CLDN10: variants seen among roughly 807,000 people sequenced by gnomAD.
CLDN10 encodes claudin-10.
Under a neutral mutation model 22.9 loss-of-function variants are expected in CLDN10, and 15 were observed. That is an observed-to-expected ratio of 0.65 (90% CI 0.44 to 1.01). The LOEUF is 1.01. CLDN10 is among the 50% of genes least tolerant of loss of function. The probability of loss-of-function intolerance (pLI) is 0.00; values close to 1 mark genes in which losing one functional copy is unlikely to be tolerated. For synonymous variants in CLDN10, 114 were observed against 111.4 expected (o/e 1.02, Z -0.15); for missense variants, 247 against 287.8 (o/e 0.86, Z 1.03).
At chr13:95,563,095 ACT>A (rs34473629) in intron 3 of CLDN10, among the ~76,000 whole-genome samples, 13,242 of 127,962 alleles carry the variant, frequency 0.1, 700 homozygotes, top group East Asian at 0.25. Context: ...CTGCCTACCC[ACT>A]CTCTCTCTCT....
chr13:95,460,527 TAAAACCA>T (rs1431135053), intron 1 of CLDN10, among the ~76,000 whole-genome samples: 1 of 152,126 alleles, frequency 6.6e-6, no homozygotes, highest in Non-Finnish European at 1.5e-5. Context: ...GAGCCCCTTA[TAAAACCA>T]TTAGATCTCA....
rs1555291327 is a variant in CLDN10 at position 95,484,706 on chromosome 13, A to ACC, written c.214+50661_214+50662dup. Among the ~76,000 whole-genome samples, 14 of 144,442 alleles carry ACC rather than the reference A, an allele frequency of 9.7e-5. No homozygotes were observed. The Middle Eastern group carries it at 0.011, about 111-fold the overall frequency. The allele number at this position is 144,442 out of a possible 152,430, so 94.8% of individuals were successfully genotyped here. A position where few individuals can be genotyped will look rare whatever the true frequency, so the allele number is the denominator to read the frequency against. On this transcript the variant is annotated intron_variant, in intron 1 of 4. Transcript: ENST00000376873. ...AAAAATACAAAAAAAAAAAAAAAAA[A>ACC]CCCACAAAAATTAGCCAGGTGTGGT...
At chr13:95,447,116 C>G (rs998353476) in intron 1 of CLDN10, among the ~76,000 whole-genome samples, 1 of 152,172 alleles carries the variant, frequency 6.6e-6, no homozygotes, top group African/African-American at 2.4e-5. Context: ...GACCCGCCAT[C>G]CTACTGGGAG....
intron 1 of CLDN10, among the ~76,000 whole-genome samples, chr13:95,526,551 T>A (rs2138595265): frequency 6.6e-6 from 1 of 152,282 alleles, no homozygotes; most frequent in Non-Finnish European, 1.5e-5. Flanking sequence ...CAATGTTTTG[T>A]GTTTTGAGAA....
intron 3 of CLDN10, among the ~76,000 whole-genome samples, chr13:95,566,094 A>G (rs553975407): frequency 1.5e-4 from 23 of 152,286 alleles, no homozygotes; most frequent in African/African-American, 5.5e-4. Context: ...ATACATGTGC[A>G]TGTGTCTTTA....
At chr13:95,524,248 T>C (rs1398897437) in intron 1 of CLDN10, among the ~76,000 whole-genome samples, 1 of 152,216 alleles carries the variant, frequency 6.6e-6, no homozygotes, top group Non-Finnish European at 1.5e-5. Flanking sequence ...CTTGAGTCTA[T>C]GAATGAGGCC....
chr13:95,433,947 A>G, exon 1 of CLDN10: 2 of 1,614,184 alleles, frequency 1.2e-6, no homozygotes, highest in Non-Finnish European at 1.7e-6. Flanking sequence ...CCTCGGTGAT[A>G]ACAGCCACTT....
intron 1 of CLDN10, among the ~76,000 whole-genome samples, chr13:95,503,174 T>G (rs192972460): frequency 1.3e-4 from 20 of 152,302 alleles, no homozygotes; most frequent in Admixed American, 1.2e-3. Context: ...CTAAATATTT[T>G]GATCTCAAGA....
intron 1 of CLDN10, among the ~76,000 whole-genome samples, chr13:95,440,569 G>T (rs1340574736): frequency 6.6e-6 from 1 of 152,188 alleles, no homozygotes; most frequent in East Asian, 1.9e-4. Flanking sequence ...CCAACTACTT[G>T]GGAGGCTGAG....
upstream of CLDN10, among the ~76,000 whole-genome samples, chr13:95,551,273 T>A (rs3759450): frequency 0.61 from 93,217 of 152,008 alleles, 29,124 homozygotes; most frequent in Non-Finnish European, 0.69. Flanking sequence ...AAAGCTTTTT[T>A]AAAGGGCTGT....
chr13:95,554,458 C>G (rs891916137), intron 1 of CLDN10, among the ~76,000 whole-genome samples: 3 of 152,092 alleles, frequency 2.0e-5, no homozygotes, highest in African/African-American at 7.2e-5. Flanking sequence ...AAAGTTTTCT[C>G]CTACATGTCT....
chr13:95,453,241 T>C (rs140998496), intron 1 of CLDN10, among the ~76,000 whole-genome samples: 283 of 152,336 alleles, frequency 1.9e-3, no homozygotes, highest in Non-Finnish European at 3.5e-3. Context: ...ATCTCTTCCC[T>C]ATCAATATTT....
upstream of CLDN10, among the ~76,000 whole-genome samples, chr13:95,548,358 A>G (rs973113144): frequency 2.0e-5 from 3 of 152,238 alleles, no homozygotes; most frequent in African/African-American, 7.2e-5. Context: ...AATGCATGAA[A>G]AACAAATCCA....
intron 1 of CLDN10, among the ~76,000 whole-genome samples, chr13:95,524,556 G>T (rs1236139591): frequency 1.3e-5 from 2 of 152,074 alleles, no homozygotes; most frequent in Non-Finnish European, 2.9e-5. Context: ...CCATTCTTCA[G>T]TTTATAGAAA....
At chr13:95,562,676 A>G (rs1056124676) in intron 3 of CLDN10, among the ~76,000 whole-genome samples, 2 of 152,252 alleles carry the variant, frequency 1.3e-5, no homozygotes, top group Non-Finnish European at 2.9e-5. Flanking sequence ...AGGGTTTGAT[A>G]TCATAAATAT....
chr13:95,548,401 A>G (rs922643727), upstream of CLDN10, among the ~76,000 whole-genome samples: 1 of 152,244 alleles, frequency 6.6e-6, no homozygotes, highest in Non-Finnish European at 1.5e-5. Flanking sequence ...TAATAGGCCC[A>G]TAGAAATATT....
intron 1 of CLDN10, among the ~76,000 whole-genome samples, chr13:95,488,950 C>CTTTTTTTTTT (rs58919737): frequency 3.5e-4 from 39 of 110,680 alleles, no homozygotes; most frequent in Non-Finnish European, 5.3e-4. Context: ...ACTTTTTGTT[C>CTTTTTTTTTT]TTTTTTTTTT....
intron 1 of CLDN10, among the ~76,000 whole-genome samples, chr13:95,515,056 T>C (rs2043149148): frequency 6.6e-6 from 1 of 152,200 alleles, no homozygotes; most frequent in Non-Finnish European, 1.5e-5. Flanking sequence ...GTACAGTGAC[T>C]ATTCACAGAC....
intron 1 of CLDN10, among the ~76,000 whole-genome samples, chr13:95,460,459 A>T (rs2042525337): frequency 6.6e-6 from 1 of 152,160 alleles, no homozygotes; most frequent in African/African-American, 2.4e-5. Context: ...GGCCTCAGCA[A>T]ACTTACAATC....
Sources: allele counts gnomAD v4.1 joint callset (sites outside exome capture counted in the v4.1 genomes callset), GRCh38; gene constraint gnomAD v4.1.1; transcripts MANE v1.5; gene names NCBI Gene and HGNC (gene_info 2026-07-23, HGNC 2026-07-21).